INSR: variants seen among roughly 807,000 people sequenced by gnomAD.
INSR encodes insulin receptor, also known as IR.
INSR carries 67 observed loss-of-function variants against 142.6 expected under a neutral mutation model. The observed-to-expected ratio is 0.47, with a 90% CI of 0.39 to 0.58. The LOEUF (loss-of-function observed/expected upper bound fraction) is 0.58, where lower values mean the gene tolerates loss of function less well. Ranked by LOEUF, INSR falls within the 20% of genes least tolerant of loss-of-function variation. The pLI is 0.00. For missense variants in INSR, 1,248 were observed against 1,833.2 expected, an observed-to-expected ratio of 0.68 and a Z score of 5.83; for synonymous variants, 756 against 743.1, an observed-to-expected ratio of 1.02 and a Z score of -0.28.
chr19:7,243,681 A>C (rs770121705), intron 2 of INSR, among the ~76,000 whole-genome samples: 6 of 152,206 alleles, frequency 3.9e-5, no homozygotes, highest in Non-Finnish European at 8.8e-5. Context: ...AAACTGATGA[A>C]GACATTGCAA....
chr19:7,212,399 C>A (rs915991144), intron 2 of INSR, among the ~76,000 whole-genome samples: 38 of 152,136 alleles, frequency 2.5e-4, no homozygotes, highest in Admixed American at 1.4e-3. Flanking sequence ...CTGCGATTCC[C>A]GCTCAGCTCC....
chr19:7,272,769 T>C (rs914437867), intron 1 of INSR, among the ~76,000 whole-genome samples: 23 of 152,164 alleles, frequency 1.5e-4, no homozygotes, highest in African/African-American at 5.3e-4. Context: ...TTTGTAGAGA[T>C]AGTGGTCTCT....
intron 2 of INSR, among the ~76,000 whole-genome samples, chr19:7,186,419 T>C (rs1443151389): frequency 6.6e-6 from 1 of 152,114 alleles, no homozygotes; most frequent in Admixed American, 6.6e-5. Flanking sequence ...TAGTAGCCAC[T>C]TCTCCCCTGT....
chr19:7,117,186 G>A lies in INSR; in HGVS notation c.4019C>T (p.Ala1340Val), dbSNP rs200400127. The change falls in exon 22 of 22, where the codon GCG (alanine) becomes GTG (valine). Residue 1340 changes from alanine (A) to valine (V), a missense_variant. This residue lies in a region of INSR where 122 missense variants were observed against 129.8 expected (regional missense o/e 0.94). Transcript: ENST00000302850. ...CGAGGACCCTCCATCCCGGCCCCCC[G>A]CCTCCTCCCTCTGACAGTGCGAGGA... ...DRSSHCQREE[A>V]GGRDGGSSLG... 189 of 1,613,892 alleles carry A rather than the reference G, an allele frequency of 1.2e-4. No homozygotes were observed. The highest frequency in any genetic ancestry group is 1.3e-4 in the Non-Finnish European group (152 of 1,179,958).
chr19:7,118,553 G>A (rs1972395659), intron 21 of INSR, among the ~76,000 whole-genome samples: 1 of 151,848 alleles, frequency 6.6e-6, no homozygotes, highest in Non-Finnish European at 1.5e-5. Context: ...CCTGACCTTA[G>A]GTGATCGTTC....
rs1529448 is a variant in INSR at position 7,120,369 on chromosome 19, A to G, written c.3659+251T>C. ...CCACCTGAGGCTGTGCCACGGGCAC[A>G]CGTCCTCAACCTTGGCAAAATAAAC... On this transcript the variant is annotated intron_variant, in intron 20 of 21. Transcript: ENST00000302850. Among the ~76,000 whole-genome samples, 12,247 of 152,304 alleles carry G rather than the reference A, an allele frequency of 0.08. 569 individuals carry two copies. The highest frequency in any genetic ancestry group is 0.094 in the Non-Finnish European group (6,426 of 68,014).
chr19:7,248,979 G>A (rs949749300), intron 2 of INSR, among the ~76,000 whole-genome samples: 2 of 151,852 alleles, frequency 1.3e-5, no homozygotes, highest in African/African-American at 2.4e-5. Flanking sequence ...GGCTGGTCTC[G>A]AACTCCCCAC....
chr19:7,197,922 T>A (rs752858104), intron 2 of INSR, among the ~76,000 whole-genome samples: 1,069 of 81,172 alleles, frequency 0.013, 22 homozygotes, highest in African/African-American at 0.044. Flanking sequence ...AGTGAGAGTG[T>A]GTGTGTGTGT....
At chr19:7,148,835 C>T (rs959036602) in intron 11 of INSR, among the ~76,000 whole-genome samples, 27 of 151,606 alleles carry the variant, frequency 1.8e-4, no homozygotes, top group Non-Finnish European at 3.5e-4. Flanking sequence ...CGCTCTGTGG[C>T]CCAGGCTGGA....
intron 1 of INSR, among the ~76,000 whole-genome samples, chr19:7,293,108 T>C (rs8101064): frequency 0.91 from 138,856 of 152,160 alleles, 63,702 homozygotes; most frequent in Non-Finnish European, 0.96. Context: ...TAAGATAGAC[T>C]AGGCTGTGGC....
intron 2 of INSR, among the ~76,000 whole-genome samples, chr19:7,244,600 C>G (rs184546982): frequency 1.3e-5 from 2 of 151,870 alleles, no homozygotes; most frequent in South Asian, 4.2e-4. Flanking sequence ...AGGAAAAATA[C>G]GAAAGTATTG....
At chr19:7,136,811 C>T (rs1356510800) in intron 13 of INSR, among the ~76,000 whole-genome samples, 1 of 97,428 alleles carries the variant, frequency 1.0e-5, no homozygotes, top group Non-Finnish European at 2.0e-5. Context: ...TGATGTAAAA[C>T]TTTATTTATT....
intron 2 of INSR, among the ~76,000 whole-genome samples, chr19:7,260,506 C>T (rs1045315938): frequency 1.3e-5 from 2 of 152,194 alleles, no homozygotes; most frequent in Non-Finnish European, 2.9e-5. Context: ...GTGGTCTTCC[C>T]TCTGGGGCTG....
chr19:7,128,299 G>A lies in INSR; in HGVS notation c.2945+553C>T, dbSNP rs143746080. ...GCGATTTCAGCTCACTGCAACCTCCGCCACCAGGGTTCAGTAATTCTCCTG... is the reference window on the plus strand; with the variant it reads ...GCGATTTCAGCTCACTGCAACCTCCACCACCAGGGTTCAGTAATTCTCCTG... On this transcript the variant is annotated intron_variant, in intron 15 of 21. Transcript: ENST00000302850. Among the ~76,000 whole-genome samples, 7 of 150,152 alleles carry A rather than the reference G, an allele frequency of 4.7e-5. No individual in the cohort carries two copies. In the East Asian group the frequency reaches 5.9e-4, roughly 13 times the overall value.
chr19:7,270,300 C>CCA (rs1267169855), intron 1 of INSR, among the ~76,000 whole-genome samples: 32 of 147,128 alleles, frequency 2.2e-4, no homozygotes, highest in Admixed American at 6.9e-5. Flanking sequence ...ACCCTGAGTC[C>CCA]CACACTATAT....
At chr19:7,152,377 T>G (rs1973388727) in intron 10 of INSR, 1 of 218,816 alleles carries the variant, frequency 4.6e-6, no homozygotes, top group Non-Finnish European at 8.2e-6. Flanking sequence ...TGAGACTCTG[T>G]CAAAAAAAAA....
chr19:7,147,381 G>T (rs983986381), intron 11 of INSR, among the ~76,000 whole-genome samples: 2 of 151,912 alleles, frequency 1.3e-5, no homozygotes, highest in Non-Finnish European at 2.9e-5. Flanking sequence ...CACCATATTG[G>T]CCAGGCTGGT....
chr19:7,212,923 A>C (rs1975319632), intron 2 of INSR, among the ~76,000 whole-genome samples: 1 of 152,052 alleles, frequency 6.6e-6, no homozygotes, highest in Non-Finnish European at 1.5e-5. Context: ...ACCACCCTCT[A>C]GCAGCCCTCT....
chr19:7,118,469 G>C (rs11666383), intron 21 of INSR, among the ~76,000 whole-genome samples: 123,196 of 151,526 alleles, frequency 0.81, 50,275 homozygotes, highest in African/African-American at 0.88. Context: ...AGGCGCCCAC[G>C]ACCGCGCCTG....
Sources: gnomAD v4.1 joint callset for allele counts (sites outside exome capture counted in the v4.1 genomes callset) on GRCh38, gnomAD v4.1.1 for gene constraint, gnomAD v4.1.1 regional missense constraint, MANE v1.5 for transcripts, NCBI Gene and HGNC (gene_info 2026-07-23, HGNC 2026-07-21) for gene names.